ADAMTS6: variants seen among roughly 807,000 people sequenced by gnomAD.
ADAMTS6 encodes the protein A disintegrin and metalloproteinase with thrombospondin motifs 6.
In ADAMTS6, 23 loss-of-function variants were observed where a neutral mutation model predicts 144.3. The observed-to-expected ratio is 0.16, with a 90% CI of 0.11 to 0.23. ADAMTS6 has a LOEUF of 0.23. Among genes scored for constraint, ADAMTS6 ranks in the 10% least tolerant of loss-of-function variants. The pLI, the probability that ADAMTS6 is intolerant of heterozygous loss-of-function variation, is 1.00. For synonymous variants in ADAMTS6, 444 were observed against 457.5 expected (o/e 0.97, Z 0.38); for missense variants, 999 against 1,379.6 (o/e 0.72, Z 4.37).
intron 22 of ADAMTS6, 33 bp downstream of exon 22, chr5:65,187,983 A>G (rs2112173902): frequency 1.2e-6 from 2 of 1,608,552 alleles, no homozygotes; most frequent in East Asian, 4.5e-5. Context: ...AGGACATTTC[A>G]AAACATATAC....
At chr5:65,386,302 T>G (rs1752471500) in intron 7 of ADAMTS6, among the ~76,000 whole-genome samples, 1 of 152,208 alleles carries the variant, frequency 6.6e-6, no homozygotes, top group Non-Finnish European at 1.5e-5. Context: ...AAAATGTATA[T>G]TTAAACACTC....
chr5:65,477,119 CCTA>C (rs893089100), intron 1 of ADAMTS6, among the ~76,000 whole-genome samples: 8 of 152,148 alleles, frequency 5.3e-5, no homozygotes, highest in Non-Finnish European at 1.0e-4. Context: ...TGGTTTCCAA[CCTA>C]CTTATATACA....
chr5:65,307,848 C>T (rs1399320291), intron 9 of ADAMTS6, among the ~76,000 whole-genome samples: 1 of 152,148 alleles, frequency 6.6e-6, no homozygotes, highest in Non-Finnish European at 1.5e-5. Flanking sequence ...TTCCCTTGCT[C>T]CTGAGACTCT....
At chr5:65,157,261 T>G (rs1255047420) in intron 24 of ADAMTS6, among the ~76,000 whole-genome samples, 2 of 152,248 alleles carry the variant, frequency 1.3e-5, no homozygotes, top group African/African-American at 4.8e-5. Flanking sequence ...CAATGAGTTT[T>G]TCCCCAGGTG....
At chr5:65,257,041 G>C (rs762864764) in intron 14 of ADAMTS6, among the ~76,000 whole-genome samples, 21 of 137,592 alleles carry the variant, frequency 1.5e-4, no homozygotes, top group Non-Finnish European at 2.6e-4. Flanking sequence ...TGTTGCCCAG[G>C]ATGGTCTTGA....
In ADAMTS6 at chr5:65,230,357, T is replaced by G. The variant is rs557346651; in HGVS notation, c.1934-4138A>C. On this transcript the variant is annotated intron_variant, in intron 15 of 24. Transcript: ENST00000381055. ...TATATATGAAATATATATAATACAT[T>G]ATATATGAAATATATATAATACATG... is the stretch of plus-strand genomic sequence containing the variant. 5.8e-4 allele frequency among the ~76,000 whole-genome samples: 14 copies of G among 23,944 alleles called. 2 individuals carry two copies. Among genetic ancestry groups the G allele is most frequent in the Admixed American group, 1.3e-3 (3 of 2,322 alleles). The allele number at this position is 23,944 out of a possible 152,430, so 15.7% of individuals were successfully genotyped here.
intron 7 of ADAMTS6, among the ~76,000 whole-genome samples, chr5:65,434,873 C>T (rs997785942): frequency 6.6e-6 from 1 of 152,140 alleles, no homozygotes; most frequent in African/African-American, 2.4e-5. Flanking sequence ...GACCCATTAG[C>T]TCTACTTCTA....
intron 20 of ADAMTS6, among the ~76,000 whole-genome samples, chr5:65,197,507 A>C (rs1459947433): frequency 6.6e-6 from 1 of 152,274 alleles, no homozygotes; most frequent in Non-Finnish European, 1.5e-5. Context: ...AAATGTACAA[A>C]TATGCATTTC....
At position 65,313,128 on chromosome 5, in the gene ADAMTS6, A is replaced by AACACACACACACACAC. The variant is rs61525269; in HGVS notation, c.1224-13013_1224-12998dup. ...ATTTCAGTAGTTTTATTATTTCTGCAACACACACACACACACACACACACA... is the reference window on the plus strand; with the variant it reads ...ATTTCAGTAGTTTTATTATTTCTGCAACACACACACACACACACACACACACACACACACACACACA... On this transcript the variant is annotated intron_variant, in intron 9 of 24. Transcript: ENST00000381055. Among the ~76,000 whole-genome samples the AACACACACACACACAC allele has an allele frequency of 2.2e-5, 3 of 135,762 alleles. 1 individual carries two copies. In the East Asian group the frequency reaches 6.4e-4, roughly 29 times the overall value. The allele number at this position is 135,762 out of a possible 152,430, so 89.1% of individuals were successfully genotyped here. A position where few individuals can be genotyped will look rare whatever the true frequency, so the allele number is the denominator to read the frequency against.
intron 7 of ADAMTS6, among the ~76,000 whole-genome samples, chr5:65,430,290 CT>C (rs1249986526): frequency 2.0e-5 from 3 of 152,020 alleles, no homozygotes; most frequent in Non-Finnish European, 4.4e-5. Flanking sequence ...ACCTAGACAA[CT>C]GCTCTCTCTC....
At chr5:65,159,423 G>C (rs1752620302) in intron 24 of ADAMTS6, among the ~76,000 whole-genome samples, 1 of 152,056 alleles carries the variant, frequency 6.6e-6, no homozygotes. Flanking sequence ...TCTCTCTGTA[G>C]CCTCATCTGC....
Position 65,223,886 on chromosome 5 carries a change from G to A in ADAMTS6, c.2272+434C>T, listed in dbSNP as rs139467806. 2.1e-3 allele frequency among the ~76,000 whole-genome samples: 319 copies of A among 150,198 alleles called. 1 individual carries two copies. Among genetic ancestry groups the A allele is most frequent in the African/African-American group, 7.6e-3 (311 of 40,662 alleles). ...AGGATCTCCACTCACTGCAAGCTCTGCCTCCTGGGTTCACGTCATTTTCCT... is the reference window on the plus strand; with the variant it reads ...AGGATCTCCACTCACTGCAAGCTCTACCTCCTGGGTTCACGTCATTTTCCT... On this transcript the variant is annotated intron_variant, in intron 18 of 24. Coordinates refer to ENST00000381055, the MANE Select transcript of ADAMTS6 (RefSeq NM_197941.4).
At chr5:65,190,339 G>T (rs961568824) in intron 21 of ADAMTS6, among the ~76,000 whole-genome samples, 8 of 152,124 alleles carry the variant, frequency 5.3e-5, no homozygotes, top group African/African-American at 1.9e-4. Context: ...GTTTTCCACA[G>T]ATGAACATGA....
At position 65,150,811 on chromosome 5, in the gene ADAMTS6, G is replaced by A. The variant is rs186083550; in HGVS notation, c.*1025C>T. On this transcript the variant is annotated 3_prime_UTR_variant, in exon 25 of 25. Transcript: ENST00000381055. ...AACAAACTGCAAAAGGGTCTGCCTG[G>A]TTACCGAGCCAGTCTATCTTTTGCA... 102 of 152,736 alleles carry A rather than the reference G, an allele frequency of 6.7e-4. No homozygotes were observed. The highest frequency in any genetic ancestry group is 2.5e-3 in the African/African-American group (102 of 41,554). The allele number at this position is 152,736 out of a possible 1,614,324, so 9.5% of individuals were successfully genotyped here. A position where few individuals can be genotyped will look rare whatever the true frequency, so the allele number is the denominator to read the frequency against.
intron 7 of ADAMTS6, among the ~76,000 whole-genome samples, chr5:65,334,523 T>C (rs2150066144): frequency 6.6e-6 from 1 of 152,288 alleles, no homozygotes; most frequent in Middle Eastern, 3.4e-3. Flanking sequence ...TAGGCACTAT[T>C]TGGAGTTGCT....
At chr5:65,244,757 A>G (rs112090092) in intron 14 of ADAMTS6, among the ~76,000 whole-genome samples, 5,297 of 152,244 alleles carry the variant, frequency 0.035, 323 homozygotes, top group African/African-American at 0.12. Context: ...GTACAAGGAT[A>G]CTTTCACGAT....
At chr5:65,156,377 A>ACCCACC (rs1554038912) in intron 24 of ADAMTS6, among the ~76,000 whole-genome samples, 1 of 151,994 alleles carries the variant, frequency 6.6e-6, no homozygotes, top group South Asian at 2.1e-4. Context: ...ACCAAAAAAA[A>ACCCACC]ACCACCACCA....
chr5:65,349,729 C>T (rs1026683207), intron 7 of ADAMTS6, among the ~76,000 whole-genome samples: 1 of 151,950 alleles, frequency 6.6e-6, no homozygotes, highest in East Asian at 1.9e-4. Flanking sequence ...GTGGTGGGCA[C>T]CTGTAATCCC....
intron 15 of ADAMTS6, among the ~76,000 whole-genome samples, chr5:65,228,904 T>C (rs374003001): frequency 3.0e-4 from 46 of 152,282 alleles, no homozygotes; most frequent in Middle Eastern, 3.4e-3. Flanking sequence ...AAGTAACCAC[T>C]CCATGGACTC....
Sources: gnomAD v4.1 joint callset for allele counts (sites outside exome capture counted in the v4.1 genomes callset) on GRCh38, gnomAD v4.1.1 for gene constraint, MANE v1.5 for transcripts, NCBI Gene and HGNC (gene_info 2026-07-23, HGNC 2026-07-21) for gene names.